NSMAF: variants seen among roughly 807,000 people sequenced by gnomAD.
NSMAF encodes the protein neutral sphingomyelinase activation associated factor.
NSMAF carries 90 observed loss-of-function variants against 134.9 expected under a neutral mutation model. The ratio of observed to expected loss-of-function variants is 0.67; its 90% CI spans 0.56 to 0.79. The LOEUF is 0.79. Among genes scored for constraint, NSMAF ranks in the 30% least tolerant of loss-of-function variants. The pLI is 0.00. For missense variants in NSMAF, 1,010 were observed against 1,119.0 expected, an observed-to-expected ratio of 0.90 and a Z score of 1.39; for synonymous variants, 358 against 389.6, an observed-to-expected ratio of 0.92 and a Z score of 0.96.
chr8:58,651,209 C>G (rs1025822415), intron 1 of NSMAF, among the ~76,000 whole-genome samples: 4 of 152,182 alleles, frequency 2.6e-5, no homozygotes, highest in African/African-American at 9.7e-5. Context: ...GTTAAAAGAC[C>G]TGGCTCATTT....
chr8:58,589,891 C>G (rs1805983025), intron 25 of NSMAF, 116 bp downstream of exon 25: 5 of 808,312 alleles, frequency 6.2e-6, no homozygotes, highest in Non-Finnish European at 1.0e-5. Context: ...TATCTGTTCC[C>G]TTTAGAAAAC....
At chr8:58,591,481 CTTTTTTT>C (rs1018380152) in intron 23 of NSMAF, among the ~76,000 whole-genome samples, 1 of 94,494 alleles carries the variant, frequency 1.1e-5, no homozygotes, top group Non-Finnish European at 2.0e-5. Context: ...AGAAACCTTC[CTTTTTTT>C]TTTTTTTTTT....
At chr8:58,586,418 T>C in intron 28 of NSMAF, 40 bp downstream of exon 28, 2 of 1,543,466 alleles carry the variant, frequency 1.3e-6, no homozygotes, top group Non-Finnish European at 1.8e-6. Context: ...AAAATTCCAA[T>C]TTACCTAGTA....
rs1257725172 is a variant in NSMAF, at chr8:58,595,597, T to C, written c.1855A>G (p.Lys619Glu). Residue 619 changes from lysine to glutamate, a missense_variant, in exon 22 of 31, where the codon AAA becomes GAA. Physicochemically the swap from Lys to Glu is moderately conservative, Grantham distance 56. Transcript: ENST00000038176. ...SKTLAWNNIT[K>E]LQLHEHYKIH... The stretch of plus-strand genomic sequence containing the variant: ...TTATAGTGCTCGTGTAACTGCAGTT[T>C]GGTGATGTTATTCCAGGCCAGTGTT... The C allele has an allele frequency of 6.2e-7, 1 of 1,613,946 alleles. No individual in the cohort carries two copies. The highest frequency in any genetic ancestry group is 1.3e-5 in the African/African-American group (1 of 74,934).
chr8:58,586,856 G>C (rs1435397257), intron 27 of NSMAF, among the ~76,000 whole-genome samples: 1 of 152,180 alleles, frequency 6.6e-6, no homozygotes, highest in African/African-American at 2.4e-5. Flanking sequence ...TAAAGGTAAT[G>C]CTGTTTTAAA....
At chr8:58,592,665 A>T (rs1344287268) in intron 23 of NSMAF, among the ~76,000 whole-genome samples, 3 of 152,198 alleles carry the variant, frequency 2.0e-5, no homozygotes, top group African/African-American at 7.2e-5. Context: ...AGGCAGGTGG[A>T]ACACCTGAGG....
intron 19 of NSMAF, among the ~76,000 whole-genome samples, chr8:58,598,486 CAAACA>C (rs1269288814): frequency 3.6e-5 from 1 of 27,444 alleles, no homozygotes; most frequent in African/African-American, 2.0e-4. Context: ...GACTCTGTCT[CAAACA>C]AAAAAAAAAA....
chr8:58,591,587 A>G (rs1806025514), intron 23 of NSMAF, among the ~76,000 whole-genome samples: 1 of 149,694 alleles, frequency 6.7e-6, no homozygotes, highest in African/African-American at 2.5e-5. Flanking sequence ...CCTAGATTCA[A>G]GCAATTCTTG....
In NSMAF at chr8:58,603,200, T is replaced by C; in HGVS notation, c.1045+10A>G. On this transcript the variant is annotated intron_variant, in intron 13 of 30. Transcript: ENST00000038176. ...CTCAACTTGGTCAGAATTCCACGTG[T>C]GGCAGTTACCTAGTTCTGAGCTGGA... 2 of 1,613,324 alleles carry C rather than the reference T, an allele frequency of 1.2e-6. 1 individual carries two copies. Among genetic ancestry groups the C allele is most frequent in the Non-Finnish European group, 1.7e-6 (2 of 1,179,298 alleles).
At chr8:58,601,993 C>T in intron 14 of NSMAF, 65 bp downstream of exon 14, 2 of 1,284,468 alleles carry the variant, frequency 1.6e-6, no homozygotes, top group Non-Finnish European at 2.2e-6. Context: ...GAATTTCCTT[C>T]CATAAAAACA....
intron 5 of NSMAF, among the ~76,000 whole-genome samples, chr8:58,634,031 T>C (rs544209250): frequency 1.3e-5 from 2 of 152,314 alleles, no homozygotes; most frequent in Admixed American, 6.5e-5. Flanking sequence ...AAGTACCTCT[T>C]CCTTTCAAGA....
chr8:58,623,526 A>C (rs1806840651), intron 7 of NSMAF, 102 bp from the exon 8 acceptor site: 2 of 1,262,808 alleles, frequency 1.6e-6, no homozygotes, highest in African/African-American at 3.0e-5. Context: ...TTAACAGTCA[A>C]GATTACTTCT....
chr8:58,647,717 C>T (rs1426561199), intron 1 of NSMAF, among the ~76,000 whole-genome samples: 1 of 152,172 alleles, frequency 6.6e-6, no homozygotes, highest in East Asian at 1.9e-4. Flanking sequence ...GTAAAAGCTC[C>T]CTGAGGCTTA....
chr8:58,614,541 C>A (rs978068387), intron 9 of NSMAF, among the ~76,000 whole-genome samples: 3 of 152,184 alleles, frequency 2.0e-5, no homozygotes, highest in Non-Finnish European at 4.4e-5. Flanking sequence ...TATGTGCAAT[C>A]CTGAGTTATG....
At chr8:58,609,893 T>C (rs1339628797) in intron 9 of NSMAF, among the ~76,000 whole-genome samples, 160 bp from the exon 10 acceptor site, 2 of 152,214 alleles carry the variant, frequency 1.3e-5, no homozygotes, top group African/African-American at 4.8e-5. Context: ...TAGATAAAAC[T>C]GACTCTTTAG....
rs1189293620 is a variant in NSMAF at position 58,659,788 on chromosome 8, A to G, written c.-157T>C. On this transcript the variant is annotated 5_prime_UTR_variant, in exon 1 of 31. Transcript: ENST00000038176. ...CCTGCGGCGCCGCTGGGCGGCCGAG[A>G]GCCCGACGCGGCGTCCCGGCCGCGC... 1 of 410,846 alleles carries G rather than the reference A, an allele frequency of 2.4e-6. No homozygotes were observed. The highest frequency in any genetic ancestry group is 5.0e-5 in the Admixed American group (1 of 20,174). 25.5% of individuals were successfully genotyped at this position (410,846 alleles called of 1,614,324 possible). A position where few individuals can be genotyped will look rare whatever the true frequency, so the allele number is the denominator to read the frequency against.
Position 58,609,601 on chromosome 8 carries a change from C to T in NSMAF, c.687+3G>A, listed in dbSNP as rs1296755596. 1 of 1,614,100 alleles carries T rather than the reference C, an allele frequency of 6.2e-7. No individual in the cohort carries two copies. The highest frequency in any genetic ancestry group is 2.2e-5 in the East Asian group (1 of 44,880). ...TCCCCACCTGACCCTGTGGTCTACACACCGGGTAGCCGTTGAGGGGCTGAA... is the reference window on the plus strand; with the variant it reads ...TCCCCACCTGACCCTGTGGTCTACATACCGGGTAGCCGTTGAGGGGCTGAA... On this transcript the variant is annotated splice_donor_region_variant and intron_variant, in intron 10 of 30. Transcript: ENST00000038176.
At position 58,586,447 on chromosome 8, in the gene NSMAF, A is replaced by G; in HGVS notation, c.2446+11T>C. 1 of 1,612,010 alleles carries G rather than the reference A, an allele frequency of 6.2e-7. No individual in the cohort carries two copies. The highest frequency in any genetic ancestry group is 8.5e-7 in the Non-Finnish European group (1 of 1,178,576). On this transcript the variant is annotated intron_variant, in intron 28 of 30. Transcript: ENST00000038176. ...CCTAGTATTATCTGTTTTAAAAAGG[A>G]TAATATCTACCTGGGCTAAAAGCAG...
intron 25 of NSMAF, 136 bp from the exon 26 acceptor site, chr8:58,589,711 A>G (rs1805980375): frequency 1.2e-6 from 1 of 839,450 alleles, no homozygotes; most frequent in Non-Finnish European, 1.7e-6. Context: ...CTTGTTCTCA[A>G]ATTACTAAAT....
Sources: gnomAD v4.1 joint callset for allele counts (sites outside exome capture counted in the v4.1 genomes callset) on GRCh38, gnomAD v4.1.1 for gene constraint, MANE v1.5 for transcripts, NCBI Gene and HGNC (gene_info 2026-07-23, HGNC 2026-07-21) for gene names.